The following OR5K3 variants were observed in gnomAD, a reference collection of about 807,000 sequenced individuals.
The protein encoded by OR5K3 is olfactory receptor family 5 subfamily K member 3.
For missense variants in OR5K3, 498 were observed against 383.2 expected, an observed-to-expected ratio of 1.30 and a Z score of -2.50; for synonymous variants, 178 against 132.6, an observed-to-expected ratio of 1.34 and a Z score of -2.35.
rs778812456 is a variant in OR5K3 at position 98,391,382 on chromosome 3, T to C, written c.717T>C (p.Cys239=). 1 of 1,607,212 alleles carries C rather than the reference T, an allele frequency of 6.2e-7. No homozygotes were observed. The highest frequency in any genetic ancestry group is 1.7e-5 in the Admixed American group (1 of 58,696). The change falls in exon 1 of 1, where the codon TGT becomes TGC. Residue 239 remains cysteine (C), a synonymous_variant. Transcript: ENST00000383695. The part of the protein sequence containing the change: ...KEGRGKALST[C]ASHFLSVSIF... Reference sequence around the variant, plus strand: ...GAAGAGGCAAAGCTTTATCTACTTGTGCATCTCACTTTCTCTCTGTGTCAA... The same window carrying C: ...GAAGAGGCAAAGCTTTATCTACTTGCGCATCTCACTTTCTCTCTGTGTCAA...
In OR5K3 at chr3:98,391,613, A is replaced by C. The variant is rs757400184; in HGVS notation, c.948A>C (p.Ser316=). ...RKFCHILKQM[S]SPLAT The stretch of plus-strand genomic sequence containing the variant: ...TTTGTCACATTCTGAAACAAATGTC[A>C]TCCCCTCTGGCAACTTGATAATACT... Residue 316 remains serine (S), a synonymous_variant, in exon 1 of 1, where the codon TCA becomes TCC. Coordinates refer to ENST00000383695, the MANE Select transcript of OR5K3 (RefSeq NM_001005516.1). 5.7e-5 allele frequency: 81 copies of C among 1,425,124 alleles called. No homozygotes were observed. Among genetic ancestry groups the C allele is most frequent in the Non-Finnish European group, 6.7e-5 (73 of 1,086,092 alleles). The allele number at this position is 1,425,124 out of a possible 1,614,324, so 88.3% of individuals were successfully genotyped here.
Position 98,391,437 on chromosome 3 carries a change from G to A in OR5K3, c.772G>A (p.Ala258Thr), listed in dbSNP as rs766007776. 2 of 1,602,136 alleles carry A rather than the reference G, an allele frequency of 1.2e-6. No homozygotes were observed. The highest frequency in any genetic ancestry group is 3.4e-5 in the Admixed American group (2 of 58,906). The change falls in exon 1 of 1, where the codon GCT (alanine) becomes ACT (threonine). Residue 258 changes from alanine to threonine, a missense_variant. Ala to Thr is a moderately conservative substitution (Grantham distance 58, BLOSUM62 0). Coordinates refer to ENST00000383695, the MANE Select transcript of OR5K3 (RefSeq NM_001005516.1). Reference sequence around the variant, plus strand: ...CTGTGATTCCCTTCTCTTCATGTATGCTCGACCAGGTGCAGTTAATGAAGG... The same window carrying A: ...CTGTGATTCCCTTCTCTTCATGTATACTCGACCAGGTGCAGTTAATGAAGG... ...IFCDSLLFMYARPGAVNEGDK... is the reference protein window; with the variant it reads ...IFCDSLLFMYTRPGAVNEGDK...
chr3:98,391,394 T>C lies in OR5K3; in HGVS notation c.729T>C (p.Phe243=). 2 of 1,605,170 alleles carry C rather than the reference T, an allele frequency of 1.2e-6. No individual in the cohort carries two copies. Among genetic ancestry groups the C allele is most frequent in the Non-Finnish European group, 1.7e-6 (2 of 1,177,548 alleles). The part of the protein sequence containing the change: ...GKALSTCASH[F]LSVSIFCDSL... ...CTTTATCTACTTGTGCATCTCACTT[T>C]CTCTCTGTGTCAATATTCTGTGATT... The change falls in exon 1 of 1, where the codon TTT becomes TTC. Residue 243 remains phenylalanine (F), a synonymous_variant. Transcript: ENST00000383695.
chr3:98,391,349 C>A lies in OR5K3; in HGVS notation c.684C>A (p.Ser228=), dbSNP rs1559623067. ...TTTTCACAATATTTACAATGAAATCCAAGGAGGGAAGAGGCAAAGCTTTAT... is the reference window on the plus strand; with the variant it reads ...TTTTCACAATATTTACAATGAAATCAAAGGAGGGAAGAGGCAAAGCTTTAT... The part of the protein sequence containing the change: ...YILFTIFTMK[S]KEGRGKALST... The change falls in exon 1 of 1, where the codon TCC becomes TCA. Residue 228 remains serine, a synonymous_variant. Transcript: ENST00000383695. 1 of 1,610,720 alleles carries A rather than the reference C, an allele frequency of 6.2e-7. No homozygotes were observed.
rs752892162 is a variant in OR5K3 at position 98,391,579 on chromosome 3, A to G, written c.914A>G (p.Lys305Arg). 3.9e-5 allele frequency: 56 copies of G among 1,437,090 alleles called. No homozygotes were observed. The South Asian group carries it at 7.5e-4, about 19-fold the overall frequency. The allele number at this position is 1,437,090 out of a possible 1,614,324, so 89.0% of individuals were successfully genotyped here. The part of the protein sequence containing the change: ...VINIMKKIMK[K>R]RKFCHILKQM... ...AATATTATGAAAAAAATTATGAAGA[A>G]GAGAAAATTTTGTCACATTCTGAAA... The change falls in exon 1 of 1, where the codon AAG (lysine) becomes AGG (arginine). Residue 305 changes from lysine (K) to arginine (R), a missense_variant. Transcript: ENST00000383695.
At position 98,390,760 on chromosome 3, in the gene OR5K3, T is replaced by G; in HGVS notation, c.95T>G (p.Phe32Cys). The change falls in exon 1 of 1, where the codon TTT (phenylalanine) becomes TGT (cysteine). Residue 32 changes from phenylalanine (F) to cysteine (C), a missense_variant. Phe to Cys is a radical substitution (Grantham distance 205, BLOSUM62 -2). Coordinates refer to ENST00000383695, the MANE Select transcript of OR5K3 (RefSeq NM_001005516.1). ...KLKTVLFVVF[F>C]AIYLITMVGN... ...AAGACTGTTCTGTTTGTGGTGTTCT[T>G]TGCCATCTATCTGATCACCATGGTG... 6.2e-7 allele frequency: 1 copy of G among 1,614,172 alleles called. No homozygotes were observed. The highest frequency in any genetic ancestry group is 8.5e-7 in the Non-Finnish European group (1 of 1,180,002).
chr3:98,391,079 G>A lies in OR5K3; in HGVS notation c.414G>A (p.Lys138=). The A allele has an allele frequency of 6.2e-7, 1 of 1,614,218 alleles. No individual in the cohort carries two copies. ...TGCAGTACCACACCATGATGTCCAA[G>A]ACACTCTGCATTCAGATGACTGCAG... ...NPLQYHTMMS[K]TLCIQMTAGA... is the part of the protein sequence containing the mutation. Residue 138 remains lysine (K), a synonymous_variant, in exon 1 of 1, where the codon AAG becomes AAA. Coordinates refer to ENST00000383695, the MANE Select transcript of OR5K3 (RefSeq NM_001005516.1).
rs1246562993 is a variant in OR5K3, at chr3:98,391,268, C to T, written c.603C>T (p.Ile201=). 6.2e-7 allele frequency: 1 copy of T among 1,607,800 alleles called. No homozygotes were observed. The highest frequency in any genetic ancestry group is 1.1e-5 in the South Asian group (1 of 90,728). ...ATATCAATGAATTGGTGTTATTTAT[C>T]TTGGCAGGATCAATTCAAATCTTTA... ...NPYINELVLF[I]LAGSIQIFTI... Residue 201 remains isoleucine, a synonymous_variant, in exon 1 of 1, where the codon ATC becomes ATT. Coordinates refer to ENST00000383695, the MANE Select transcript of OR5K3 (RefSeq NM_001005516.1).
rs1707465437 is a variant in OR5K3, at chr3:98,391,175, G to A, written c.510G>A (p.Gly170=). 2 of 1,613,954 alleles carry A rather than the reference G, an allele frequency of 1.2e-6. No individual in the cohort carries two copies. Among genetic ancestry groups the A allele is most frequent in the South Asian group, 1.1e-5 (1 of 91,034 alleles). ...TTCTGTTGAGGTTAACTTTCTGTGGGTCTCATCAAATCAATCATTTTTTCT... is the reference window on the plus strand; with the variant it reads ...TTCTGTTGAGGTTAACTTTCTGTGGATCTCATCAAATCAATCATTTTTTCT... ...VEFLLRLTFC[G]SHQINHFFCD... The change falls in exon 1 of 1, where the codon GGG becomes GGA. Residue 170 remains glycine, a synonymous_variant. Coordinates refer to ENST00000383695, the MANE Select transcript of OR5K3 (RefSeq NM_001005516.1).
chr3:98,391,441 G>T lies in OR5K3; in HGVS notation c.776G>T (p.Arg259Leu), dbSNP rs563122553. The T allele has an allele frequency of 8.1e-6, 13 of 1,599,456 alleles. No individual in the cohort carries two copies. Among genetic ancestry groups the T allele is most frequent in the South Asian group, 1.1e-5 (1 of 87,948 alleles). The change falls in exon 1 of 1, where the codon CGA becomes CTA. Residue 259 changes from arginine (R) to leucine (L), a missense_variant. Arg to Leu is a moderately radical substitution (Grantham distance 102). Coordinates refer to ENST00000383695, the MANE Select transcript of OR5K3 (RefSeq NM_001005516.1). ...FCDSLLFMYA[R>L]PGAVNEGDKD... is the part of the protein sequence containing the mutation. The stretch of plus-strand genomic sequence containing the variant: ...GATTCCCTTCTCTTCATGTATGCTC[G>T]ACCAGGTGCAGTTAATGAAGGGGAT...
chr3:98,390,853 T>A lies in OR5K3; in HGVS notation c.188T>A (p.Leu63Ter), dbSNP rs1437265069. Residue 63 changes from leucine (L) to a stop codon, truncating the protein, a stop_gained, in exon 1 of 1, where the codon TTA becomes TAA. Transcript: ENST00000383695. LOFTEE classifies it low-confidence loss of function (END_TRUNC). ...QRLHTPMYIF[L>*]GNLVLMDSCC... ...CTTCACACACCAATGTACATATTTT[T>A]AGGCAACCTAGTTCTGATGGATTCC... is the stretch of plus-strand genomic sequence containing the variant. The A allele has an allele frequency of 6.2e-7, 1 of 1,614,232 alleles. No individual in the cohort carries two copies. Among genetic ancestry groups the A allele is most frequent in the East Asian group, 2.2e-5 (1 of 44,886 alleles).
Position 98,391,576 on chromosome 3 carries a change from A to G in OR5K3, c.911A>G (p.Lys304Arg), listed in dbSNP as rs536527960. The change falls in exon 1 of 1, where the codon AAG (lysine) becomes AGG (arginine). Residue 304 changes from lysine to arginine, a missense_variant. Coordinates refer to ENST00000383695, the MANE Select transcript of OR5K3 (RefSeq NM_001005516.1). ...ATAAATATTATGAAAAAAATTATGA[A>G]GAAGAGAAAATTTTGTCACATTCTG... ...EVINIMKKIM[K>R]KRKFCHILKQ... 8 of 1,434,172 alleles carry G rather than the reference A, an allele frequency of 5.6e-6. No individual in the cohort carries two copies. The South Asian group carries it at 1.0e-4, about 18-fold the overall frequency. 88.8% of individuals were successfully genotyped at this position (1,434,172 alleles called of 1,614,324 possible).
rs1707464214 is a variant in OR5K3 at position 98,391,099 on chromosome 3, C to T, written c.434C>T (p.Thr145Ile). The change falls in exon 1 of 1, where the codon ACT becomes ATT. Residue 145 changes from threonine to isoleucine, a missense_variant. Coordinates refer to ENST00000383695, the MANE Select transcript of OR5K3 (RefSeq NM_001005516.1). ...TCCAAGACACTCTGCATTCAGATGACTGCAGGAGCCTACCTAGCTGGCAAC... is the reference window on the plus strand; with the variant it reads ...TCCAAGACACTCTGCATTCAGATGATTGCAGGAGCCTACCTAGCTGGCAAC... ...MMSKTLCIQM[T>I]AGAYLAGNLH... The T allele has an allele frequency of 1.9e-6, 3 of 1,614,030 alleles. No individual in the cohort carries two copies. Among genetic ancestry groups the T allele is most frequent in the African/African-American group, 1.3e-5 (1 of 74,944 alleles).
Position 98,391,238 on chromosome 3 carries a change from C to A in OR5K3, c.573C>A (p.Asn191Lys). 3 of 1,609,816 alleles carry A rather than the reference C, an allele frequency of 1.9e-6. No individual in the cohort carries two copies. The highest frequency in any genetic ancestry group is 2.6e-6 in the Non-Finnish European group (3 of 1,176,440). Residue 191 changes from asparagine to lysine, a missense_variant, in exon 1 of 1, where the codon AAC (asparagine) becomes AAA (lysine). Coordinates refer to ENST00000383695, the MANE Select transcript of OR5K3 (RefSeq NM_001005516.1). ...VLPLYRLSCI[N>K]PYINELVLFI... is the part of the protein sequence containing the mutation. ...CATTATATAGACTTTCTTGTATTAACCCTTATATCAATGAATTGGTGTTAT... is the reference window on the plus strand; with the variant it reads ...CATTATATAGACTTTCTTGTATTAAACCTTATATCAATGAATTGGTGTTAT...
Position 98,391,456 on chromosome 3 carries a change from A to G in OR5K3, c.791A>G (p.Asn264Ser). ...LFMYARPGAV[N>S]EGDKDIPVAI... Reference sequence around the variant, plus strand: ...ATGTATGCTCGACCAGGTGCAGTTAATGAAGGGGATAAAGATATACCTGTT... The same window carrying G: ...ATGTATGCTCGACCAGGTGCAGTTAGTGAAGGGGATAAAGATATACCTGTT... Residue 264 changes from asparagine to serine, a missense_variant, in exon 1 of 1, where the codon AAT (asparagine) becomes AGT (serine). Coordinates refer to ENST00000383695, the MANE Select transcript of OR5K3 (RefSeq NM_001005516.1). 2 of 1,578,066 alleles carry G rather than the reference A, an allele frequency of 1.3e-6. No homozygotes were observed. Among genetic ancestry groups the G allele is most frequent in the Non-Finnish European group, 1.7e-6 (2 of 1,151,632 alleles).
Position 98,390,682 on chromosome 3 carries a change from A to G in OR5K3, c.17A>G (p.His6Arg). 1 of 1,612,182 alleles carries G rather than the reference A, an allele frequency of 6.2e-7. No individual in the cohort carries two copies. The highest frequency in any genetic ancestry group is 1.7e-5 in the Admixed American group (1 of 59,970). The change falls in exon 1 of 1, where the codon CAC becomes CGC. Residue 6 changes from histidine (H) to arginine (R), a missense_variant. Transcript: ENST00000383695. ...AAGGTGGAGATGAATAAGGAGAATC[A>G]CTCCTTGATAGCTGAGTTCATCCTC... is the stretch of plus-strand genomic sequence containing the variant. Reference protein sequence around the residue: MNKENHSLIAEFILTG... With the variant: MNKENRSLIAEFILTG...
Position 98,391,054 on chromosome 3 carries a change from T to TTG in OR5K3, c.389_390insTG (p.Gln131GlyfsTer6). ...TGCTATGTGGCCATATGCAACCCAC[T>TTG]GCAGTACCACACCATGATGTCCAAG... On this transcript the variant is annotated frameshift_variant, in exon 1 of 1. Transcript: ENST00000383695. LOFTEE classifies it low-confidence loss of function (END_TRUNC). 1 of 1,614,220 alleles carries TTG rather than the reference T, an allele frequency of 6.2e-7. No homozygotes were observed.
rs971440801 is a variant in OR5K3 at position 98,391,166 on chromosome 3, T to C, written c.501T>C (p.Thr167=). 2 of 1,614,008 alleles carry C rather than the reference T, an allele frequency of 1.2e-6. No homozygotes were observed. The highest frequency in any genetic ancestry group is 2.2e-5 in the East Asian group (1 of 44,900). ...AAGTAGAGTTTCTGTTGAGGTTAACTTTCTGTGGGTCTCATCAAATCAATC... is the reference window on the plus strand; with the variant it reads ...AAGTAGAGTTTCTGTTGAGGTTAACCTTCTGTGGGTCTCATCAAATCAATC... The part of the protein sequence containing the change: ...MIEVEFLLRL[T]FCGSHQINHF... The change falls in exon 1 of 1, where the codon ACT becomes ACC. Residue 167 remains threonine (T), a synonymous_variant. Coordinates refer to ENST00000383695, the MANE Select transcript of OR5K3 (RefSeq NM_001005516.1).
Position 98,391,141 on chromosome 3 carries a change from A to C in OR5K3, c.476A>C (p.Glu159Ala). Residue 159 changes from glutamate to alanine, a missense_variant, in exon 1 of 1, where the codon GAA (glutamate) becomes GCA (alanine). Transcript: ENST00000383695. ...YLAGNLHPMI[E>A]VEFLLRLTFC... ...GCTGGCAACCTGCATCCCATGATTG[A>C]AGTAGAGTTTCTGTTGAGGTTAACT... The C allele has an allele frequency of 6.2e-7, 1 of 1,614,164 alleles. No individual in the cohort carries two copies. Among genetic ancestry groups the C allele is most frequent in the East Asian group, 2.2e-5 (1 of 44,878 alleles).
Sources: allele counts gnomAD v4.1 joint callset, GRCh38; gene constraint gnomAD v4.1.1; transcripts MANE v1.5; gene names NCBI Gene and HGNC (gene_info 2026-07-23, HGNC 2026-07-21).